The following CPNE4 variants were observed in gnomAD, a reference collection of about 807,000 sequenced individuals.
CPNE4 encodes copine-4.
Under a neutral mutation model 67.9 loss-of-function variants are expected in CPNE4, and 25 were observed. That is an observed-to-expected ratio of 0.37 (90% CI 0.27 to 0.51). The LOEUF is 0.51. Ranked by LOEUF, CPNE4 falls within the 20% of genes least tolerant of loss-of-function variation. The pLI is 0.93. For missense variants in CPNE4, 464 were observed against 690.8 expected (o/e 0.67, Z 3.68); for synonymous variants, 242 against 244.9 (o/e 0.99, Z 0.11).
intron 1 of CPNE4, among the ~76,000 whole-genome samples, chr3:132,019,450 T>C (rs1042988137): frequency 1.3e-5 from 2 of 152,208 alleles, no homozygotes; most frequent in Non-Finnish European, 2.9e-5. Flanking sequence ...AGGTACAGTA[T>C]TGCATAAATC....
intron 2 of CPNE4, among the ~76,000 whole-genome samples, chr3:131,820,522 G>A (rs2084923586): frequency 6.6e-6 from 1 of 152,238 alleles, no homozygotes; most frequent in Non-Finnish European, 1.5e-5. Flanking sequence ...CAAGTCCTTT[G>A]CAGGGGGACC....
chr3:131,729,640 T>G (rs1454092185), intron 2 of CPNE4, among the ~76,000 whole-genome samples: 1 of 152,234 alleles, frequency 6.6e-6, no homozygotes, highest in South Asian at 2.1e-4. Context: ...ATTTTCTACT[T>G]TGTTAGGATT....
chr3:131,736,446 C>G (rs1209382006), intron 2 of CPNE4, among the ~76,000 whole-genome samples: 1 of 151,578 alleles, frequency 6.6e-6, no homozygotes, highest in Non-Finnish European at 1.5e-5. Context: ...ATGGTGAAAC[C>G]TCGTCTCTAC....
intron 1 of CPNE4, among the ~76,000 whole-genome samples, chr3:132,033,477 T>C (rs935846388): frequency 2.0e-5 from 3 of 152,074 alleles, no homozygotes; most frequent in Admixed American, 2.0e-4. Context: ...CCCAGAGCAC[T>C]CTCGCTTCCC....
At chr3:131,977,682 T>G (rs1436859870) in intron 1 of CPNE4, among the ~76,000 whole-genome samples, 1 of 152,128 alleles carries the variant, frequency 6.6e-6, no homozygotes, top group Non-Finnish European at 1.5e-5. Flanking sequence ...TTAAAGATTT[T>G]TATTAAAAAT....
intron 2 of CPNE4, among the ~76,000 whole-genome samples, chr3:131,746,095 A>G (rs1012946530): frequency 3.9e-5 from 6 of 152,022 alleles, no homozygotes; most frequent in African/African-American, 1.4e-4. Flanking sequence ...AGTTCTGTAT[A>G]TGTTTTCTTA....
chr3:131,775,427 A>G, intron 2 of CPNE4, among the ~76,000 whole-genome samples: 1 of 152,108 alleles, frequency 6.6e-6, no homozygotes, highest in East Asian at 1.9e-4. Flanking sequence ...GGGATAGGTA[A>G]TATGGTTTGG....
At chr3:131,994,886 G>T (rs1157476144) in intron 1 of CPNE4, among the ~76,000 whole-genome samples, 1 of 152,142 alleles carries the variant, frequency 6.6e-6, no homozygotes, top group Non-Finnish European at 1.5e-5. Flanking sequence ...TCCTTTTAGA[G>T]ACAGGGTCTT....
chr3:131,953,248 A>AATAAAAAT (rs1553813390), intron 1 of CPNE4, among the ~76,000 whole-genome samples: 7 of 142,394 alleles, frequency 4.9e-5, no homozygotes, highest in African/African-American at 1.8e-4. Context: ...TTAAAAAAAA[A>AATAAAAAT]AAAAAAAAAA....
At chr3:131,934,491 G>A (rs7636045) in intron 1 of CPNE4, among the ~76,000 whole-genome samples, 25,356 of 152,064 alleles carry the variant, frequency 0.17, 2,516 homozygotes, top group African/African-American at 0.28. Context: ...GTATACATGT[G>A]CCATGGTGCT....
At chr3:131,912,788 C>T (rs1168968784) in intron 1 of CPNE4, among the ~76,000 whole-genome samples, 4 of 152,116 alleles carry the variant, frequency 2.6e-5, no homozygotes, top group Non-Finnish European at 5.9e-5. Flanking sequence ...TCAGACTTCA[C>T]CATCATCACA....
intron 7 of CPNE4, among the ~76,000 whole-genome samples, chr3:131,617,263 G>C (rs1582899113): frequency 6.6e-6 from 1 of 152,252 alleles, no homozygotes; most frequent in Admixed American, 6.5e-5. Flanking sequence ...ATTTATTCAT[G>C]GTAGTATTGC....
chr3:131,723,339 A>G (rs1560184209), intron 3 of CPNE4, 107 bp downstream of exon 3: 2 of 1,009,518 alleles, frequency 2.0e-6, no homozygotes, highest in Non-Finnish European at 3.0e-6. Flanking sequence ...TAAAGAAAAT[A>G]CAATCAATAG....
At chr3:131,785,670 T>TC in intron 2 of CPNE4, among the ~76,000 whole-genome samples, 1 of 102,134 alleles carries the variant, frequency 9.8e-6, no homozygotes, top group Non-Finnish European at 2.2e-5. Flanking sequence ...TCTTTCTCTC[T>TC]TTCTCTCTCT....
At chr3:131,652,720 C>A (rs1349164767) in intron 7 of CPNE4, among the ~76,000 whole-genome samples, 1 of 152,170 alleles carries the variant, frequency 6.6e-6, no homozygotes, top group African/African-American at 2.4e-5. Flanking sequence ...CGCACACTTG[C>A]CATATATTTA....
At chr3:131,697,595 CAGAT>C (rs1405802883) in intron 4 of CPNE4, among the ~76,000 whole-genome samples, 1 of 152,056 alleles carries the variant, frequency 6.6e-6, no homozygotes, top group Non-Finnish European at 1.5e-5. Flanking sequence ...TACCTTAAGA[CAGAT>C]AGACCCAAAA....
intron 2 of CPNE4, among the ~76,000 whole-genome samples, chr3:131,733,978 C>T (rs1451677343): frequency 6.6e-6 from 1 of 152,228 alleles, no homozygotes; most frequent in African/African-American, 2.4e-5. Context: ...CTCAACCCTC[C>T]TCACGATAGG....
intron 2 of CPNE4, among the ~76,000 whole-genome samples, chr3:131,889,820 G>T (rs1182303184): frequency 6.6e-6 from 1 of 152,116 alleles, no homozygotes; most frequent in Non-Finnish European, 1.5e-5. Flanking sequence ...TTCGATAAGG[G>T]TGCCAAGGAC....
chr3:131,813,298 A>G (rs1364679397), intron 2 of CPNE4, among the ~76,000 whole-genome samples: 2 of 151,436 alleles, frequency 1.3e-5, no homozygotes, highest in African/African-American at 2.4e-5. Flanking sequence ...AGTGATAAAG[A>G]TTGAAAAGAA....
Sources: allele counts gnomAD v4.1 joint callset (sites outside exome capture counted in the v4.1 genomes callset), GRCh38; gene constraint gnomAD v4.1.1; transcripts MANE v1.5; gene names NCBI Gene and HGNC (gene_info 2026-07-23, HGNC 2026-07-21).